The following DOCK2 variants were observed in gnomAD, a reference collection of about 807,000 sequenced individuals.
DOCK2 encodes the protein dedicator of cytokinesis 2, also known as dedicator of cytokinesis protein 2.
DOCK2 carries 87 observed loss-of-function variants against 248.9 expected under a neutral mutation model. The ratio of observed to expected loss-of-function variants is 0.35; its 90% CI spans 0.29 to 0.42. DOCK2 has a LOEUF of 0.42. DOCK2 is among the 10% of genes least tolerant of loss of function. The pLI, the probability that DOCK2 is intolerant of heterozygous loss-of-function variation, is 1.00. For missense variants in DOCK2, 1,747 were observed against 2,300.2 expected, an observed-to-expected ratio of 0.76 and a Z score of 4.92; for synonymous variants, 805 against 821.6, an observed-to-expected ratio of 0.98 and a Z score of 0.35.
intron 9 of DOCK2, among the ~76,000 whole-genome samples, chr5:169,689,590 A>G (rs975124256): frequency 6.6e-6 from 1 of 152,236 alleles, no homozygotes; most frequent in Admixed American, 6.5e-5. Context: ...CATATGCAGA[A>G]TGCTACATAA....
intron 27 of DOCK2, among the ~76,000 whole-genome samples, chr5:169,942,395 T>C (rs991227039): frequency 2.0e-5 from 3 of 152,178 alleles, no homozygotes; most frequent in Non-Finnish European, 4.4e-5. Context: ...AAACACAAGT[T>C]TGTGGAGCTG....
chr5:169,990,343 C>T (rs997652195), intron 29 of DOCK2, among the ~76,000 whole-genome samples: 6 of 152,188 alleles, frequency 3.9e-5, no homozygotes, highest in African/African-American at 1.4e-4. Flanking sequence ...TGGTGACTCA[C>T]CTGCCTCAGC....
intron 26 of DOCK2, among the ~76,000 whole-genome samples, chr5:169,804,179 G>A (rs1419366221): frequency 6.6e-6 from 1 of 152,014 alleles, no homozygotes; most frequent in African/African-American, 2.4e-5. Flanking sequence ...TCCTTTACTG[G>A]TCAGATCCAT....
intron 27 of DOCK2, among the ~76,000 whole-genome samples, chr5:169,946,733 C>T (rs900034940): frequency 6.6e-6 from 1 of 152,240 alleles, no homozygotes; most frequent in Non-Finnish European, 1.5e-5. Context: ...AAAATAATTT[C>T]ACACAGCGAT....
intron 26 of DOCK2, among the ~76,000 whole-genome samples, chr5:169,835,567 T>C (rs556806480): frequency 6.6e-6 from 1 of 152,118 alleles, no homozygotes; most frequent in South Asian, 2.1e-4. Flanking sequence ...AATGCTTGTT[T>C]TCTATGGTGG....
chr5:169,769,135 CTACTT>C (rs1429384177), intron 25 of DOCK2, among the ~76,000 whole-genome samples: 3 of 152,148 alleles, frequency 2.0e-5, no homozygotes, highest in Admixed American at 2.0e-4. Flanking sequence ...TTTTGAGTCT[CTACTT>C]TGTGCTGTGG....
chr5:170,006,921 C>T lies in DOCK2; in HGVS notation c.3073-1576C>T, dbSNP rs77557818. 1.2e-3 allele frequency among the ~76,000 whole-genome samples: 187 copies of T among 152,268 alleles called. 3 individuals carry two copies. In the East Asian group the frequency reaches 0.029, roughly 23 times the overall value. ...TGTATACATCAAGATGAGAGACTTA[C>T]GCAAAATACTCAACCTCTCCAAGCT... On this transcript the variant is annotated intron_variant, in intron 30 of 51. Coordinates refer to ENST00000520908, the MANE Select transcript of DOCK2 (RefSeq NM_004946.3).
chr5:169,767,257 T>G (rs1168794599), intron 25 of DOCK2, among the ~76,000 whole-genome samples: 5 of 152,240 alleles, frequency 3.3e-5, no homozygotes, highest in Non-Finnish European at 5.9e-5. Flanking sequence ...TGCTTGTTAA[T>G]TTGTTTAAGT....
chr5:169,985,876 A>T lies in DOCK2; in HGVS notation c.2947A>T (p.Asn983Tyr). ...FIMFKDLIGK[N>Y]VYPGDWMAMS... ...CATGTTCAAGGACCTCATTGGAAAG[A>T]ACGTGTACCCTGGAGACTGGATGGC... is the stretch of plus-strand genomic sequence containing the variant. The change falls in exon 29 of 52, where the codon AAC (asparagine) becomes TAC (tyrosine). Residue 983 changes from asparagine to tyrosine, a missense_variant. This residue lies in a region of DOCK2 where 858 missense variants were observed against 1,183.5 expected (regional missense o/e 0.72). Coordinates refer to ENST00000520908, the MANE Select transcript of DOCK2 (RefSeq NM_004946.3). 1 of 1,611,246 alleles carries T rather than the reference A, an allele frequency of 6.2e-7. No individual in the cohort carries two copies. Among genetic ancestry groups the T allele is most frequent in the Non-Finnish European group, 8.5e-7 (1 of 1,178,322 alleles).
chr5:169,672,252 C>G (rs1425601975), intron 5 of DOCK2, among the ~76,000 whole-genome samples: 1 of 152,164 alleles, frequency 6.6e-6, no homozygotes, highest in Non-Finnish European at 1.5e-5. Flanking sequence ...AAGTGATCCA[C>G]CCACCTTGGC....
chr5:169,886,036 T>C (rs1220196102), intron 27 of DOCK2, among the ~76,000 whole-genome samples: 1 of 152,176 alleles, frequency 6.6e-6, no homozygotes, highest in Non-Finnish European at 1.5e-5. Context: ...TTTTGGGATC[T>C]GCATGATATG....
chr5:169,738,333 C>T (rs1452999568), intron 22 of DOCK2, among the ~76,000 whole-genome samples: 1 of 152,152 alleles, frequency 6.6e-6, no homozygotes, highest in African/African-American at 2.4e-5. Context: ...AGGGAAGGGA[C>T]ACTGGTTCAG....
At chr5:169,696,666 C>T (rs1760649950) in intron 10 of DOCK2, among the ~76,000 whole-genome samples, 1 of 152,072 alleles carries the variant, frequency 6.6e-6, no homozygotes, top group South Asian at 2.1e-4. Flanking sequence ...TAAGAGTATA[C>T]CGTGCATAAC....
intron 27 of DOCK2, chr5:169,883,393 G>A: frequency 6.4e-7 from 1 of 1,551,700 alleles, no homozygotes; most frequent in South Asian, 1.2e-5. Flanking sequence ...TGGGAGGAAT[G>A]CATGGGACAC....
In DOCK2 at chr5:169,778,578, T is replaced by C. The variant is rs191956370; in HGVS notation, c.2554+16953T>C. Among the ~76,000 whole-genome samples the C allele has an allele frequency of 1.7e-3, 260 of 152,334 alleles. 2 individuals are homozygous for C. The highest frequency in any genetic ancestry group is 5.8e-3 in the African/African-American group (243 of 41,566). On this transcript the variant is annotated intron_variant, in intron 25 of 51. Transcript: ENST00000520908. ...AGCCCTGTCTAACTTTCTCTCTCTG[T>C]AAAATGAGACTGATAAACAGTTGCT...
At chr5:169,737,602 C>T (rs1412348786) in intron 22 of DOCK2, among the ~76,000 whole-genome samples, 1 of 152,136 alleles carries the variant, frequency 6.6e-6, no homozygotes. Flanking sequence ...AGGGTTGAGA[C>T]TTTCAGCCTC....
intron 27 of DOCK2, among the ~76,000 whole-genome samples, chr5:169,900,322 C>T (rs1420678956): frequency 4.6e-5 from 7 of 152,152 alleles, no homozygotes; most frequent in Non-Finnish European, 1.0e-4. Context: ...TCTATGATGA[C>T]TAGGAGTTCA....
At chr5:170,019,585 C>G (rs1755651862) in intron 33 of DOCK2, among the ~76,000 whole-genome samples, 1 of 152,128 alleles carries the variant, frequency 6.6e-6, no homozygotes, top group Non-Finnish European at 1.5e-5. Flanking sequence ...CAGGAGGGAC[C>G]TGTGGATCTG....
intron 27 of DOCK2, among the ~76,000 whole-genome samples, chr5:169,971,261 C>G (rs1379650323): frequency 6.6e-6 from 1 of 151,798 alleles, no homozygotes; most frequent in African/African-American, 2.4e-5. Flanking sequence ...ATTCCCAGAG[C>G]AGGAAGGAAG....
Sources: allele counts gnomAD v4.1 joint callset (sites outside exome capture counted in the v4.1 genomes callset), GRCh38; gene constraint gnomAD v4.1.1; regional missense constraint gnomAD v4.1.1; transcripts MANE v1.5; gene names NCBI Gene and HGNC (gene_info 2026-07-23, HGNC 2026-07-21).